Variants in DNAJB1 observed in about 807,000 individuals in gnomAD.
DNAJB1 encodes the protein DnaJ heat shock protein family (Hsp40) member B1, also known as dnaJ homolog subfamily B member 1.
DNAJB1 carries 14 observed loss-of-function variants against 24.0 expected under a neutral mutation model. That is an observed-to-expected ratio of 0.58 (90% CI 0.39 to 0.91). DNAJB1 has a LOEUF of 0.91. DNAJB1 is among the 40% of genes least tolerant of loss of function. The pLI is 0.00. For synonymous variants in DNAJB1, 262 were observed against 174.4 expected (o/e 1.50, Z -3.96); for missense variants, 517 against 458.1 (o/e 1.13, Z -1.17).
upstream of DNAJB1, among the ~76,000 whole-genome samples, chr19:14,553,611 A>T (rs2073614359): frequency 6.6e-6 from 1 of 152,032 alleles, no homozygotes; most frequent in Non-Finnish European, 1.5e-5. Context: ...GGTTGACTTG[A>T]TATTTCTGGA....
At chr19:14,537,179 A>G (rs898840880) in intron 1 of DNAJB1, among the ~76,000 whole-genome samples, 139 of 67,614 alleles carry the variant, frequency 2.1e-3, no homozygotes, top group African/African-American at 5.7e-3. Context: ...GCCGGGGGGG[A>G]AGGGGAGGCC....
At chr19:14,523,886 A>G (rs913524732) in intron 2 of DNAJB1, among the ~76,000 whole-genome samples, 7 of 152,184 alleles carry the variant, frequency 4.6e-5, no homozygotes, top group African/African-American at 1.7e-4. Flanking sequence ...GGCCTCCCCA[A>G]GTGTTGGGAT....
upstream of DNAJB1, among the ~76,000 whole-genome samples, chr19:14,519,161 A>C (rs914424803): frequency 6.6e-6 from 1 of 152,204 alleles, no homozygotes; most frequent in African/African-American, 2.4e-5. Context: ...TGAGGTCAGG[A>C]GTTCGAGACC....
upstream of DNAJB1, chr19:14,531,013 G>C (rs2072628792): frequency 6.6e-6 from 1 of 152,066 alleles, no homozygotes; most frequent in Non-Finnish European, 1.5e-5. Flanking sequence ...GACTACTCTA[G>C]GTACCTTGGA....
chr19:14,541,459 C>T (rs1044858226), intron 1 of DNAJB1, among the ~76,000 whole-genome samples: 3 of 152,248 alleles, frequency 2.0e-5, no homozygotes, highest in Non-Finnish European at 4.4e-5. Context: ...AGGCCTTTTC[C>T]CGTCATAGGA....
intron 1 of DNAJB1, among the ~76,000 whole-genome samples, chr19:14,542,354 T>TTTTTTTTC (rs2073129115): frequency 8.6e-6 from 1 of 116,324 alleles, no homozygotes; most frequent in African/African-American, 3.6e-5. Flanking sequence ...AGTGTTTTTT[T>TTTTTTTTC]TTTTTTTTTT....
chr19:14,517,205 A>T, intron 1 of DNAJB1, 159 bp from the exon 2 acceptor site: 1 of 655,726 alleles, frequency 1.5e-6, no homozygotes, highest in Non-Finnish European at 2.6e-6. Context: ...CTCACTGCCA[A>T]CAGCAGAGAC....
intron 1 of DNAJB1, among the ~76,000 whole-genome samples, chr19:14,558,381 C>G (rs1405457264): frequency 6.6e-6 from 1 of 152,186 alleles, no homozygotes; most frequent in African/African-American, 2.4e-5. Context: ...CCCCTCTGGG[C>G]TTGGGAGGCA....
intron 1 of DNAJB1, chr19:14,529,009 A>C (rs561151605): frequency 6.5e-6 from 1 of 153,636 alleles, no homozygotes; most frequent in Admixed American, 6.5e-5. Context: ...AAGCCACCCC[A>C]GAATGGGGCT....
At chr19:14,547,661 AT>A (rs71166755) in intron 1 of DNAJB1, among the ~76,000 whole-genome samples, 3,600 of 142,830 alleles carry the variant, frequency 0.025, 119 homozygotes, top group African/African-American at 0.083. Flanking sequence ...TGTACCTAAT[AT>A]TTTTTTTTTT....
At chr19:14,548,268 G>A (rs12460236) in intron 1 of DNAJB1, among the ~76,000 whole-genome samples, 28,963 of 151,924 alleles carry the variant, frequency 0.19, 3,357 homozygotes, top group South Asian at 0.42. Flanking sequence ...GGCCTAATGG[G>A]CATTTCAAAC....
At chr19:14,539,887 T>C (rs997549499) in intron 1 of DNAJB1, among the ~76,000 whole-genome samples, 2 of 151,350 alleles carry the variant, frequency 1.3e-5, no homozygotes, top group Non-Finnish European at 2.9e-5. Context: ...TTTCTTTTTT[T>C]TTTTTTTTCT....
At chr19:14,517,742 C>A in intron 1 of DNAJB1, 1 of 176,480 alleles carries the variant, frequency 5.7e-6, no homozygotes, top group Non-Finnish European at 1.2e-5. Flanking sequence ...CCTCGCCCCG[C>A]AGCTGAGCCG....
upstream of DNAJB1, among the ~76,000 whole-genome samples, chr19:14,534,553 A>T (rs570424029): frequency 6.9e-6 from 1 of 144,848 alleles, no homozygotes; most frequent in African/African-American, 2.6e-5. Flanking sequence ...TTCCTGCCTC[A>T]GCCTCCCAAG....
chr19:14,514,770 G>A lies in DNAJB1; in HGVS notation c.*1170C>T, dbSNP rs1014963177. ...AACAGAGTCACAGGACCGCTCCCCT[G>A]AGGTTTAGCATCAGTCTTTAATGCT... On this transcript the variant is annotated 3_prime_UTR_variant, in exon 3 of 3. Coordinates refer to ENST00000254322, the MANE Select transcript of DNAJB1 (RefSeq NM_006145.3). The A allele has an allele frequency of 6.6e-6, 1 of 152,508 alleles. No individual in the cohort carries two copies. Among genetic ancestry groups the A allele is most frequent in the African/African-American group, 2.4e-5 (1 of 41,296 alleles). The allele number at this position is 152,508 out of a possible 1,614,324, so 9.4% of individuals were successfully genotyped here. A position where few individuals can be genotyped will look rare whatever the true frequency, so the allele number is the denominator to read the frequency against.
rs73927060 is a variant in DNAJB1 at position 14,556,855 on chromosome 19, C to T, written c.-2165-2537G>A. ...GGGCAGTGGGGAGCGTCGCAGCCTC[C>T]GCCGCTTGCAGCCAGTCATCCCGGT... On this transcript the variant is annotated intron_variant, in intron 1 of 5. Transcript: ENST00000679223. Among the ~76,000 whole-genome samples the T allele has an allele frequency of 3.6e-3, 543 of 152,258 alleles. 6 individuals carry two copies. The highest frequency in any genetic ancestry group is 0.012 in the African/African-American group (499 of 41,536).
At position 14,516,896 on chromosome 19, in the gene DNAJB1, C is replaced by T. The variant is rs749246039; in HGVS notation, c.362G>A (p.Gly121Glu). 5.6e-6 allele frequency: 9 copies of T among 1,614,028 alleles called. No individual in the cohort carries two copies. The East Asian group carries it at 1.6e-4, about 28-fold the overall frequency. Residue 121 changes from glycine (G) to glutamate (E), a missense_variant, in exon 2 of 3, where the codon GGG becomes GAG. Coordinates refer to ENST00000254322, the MANE Select transcript of DNAJB1 (RefSeq NM_006145.3). ...PFDTFFGQRN[G>E]EEGMDIDDPF... is the part of the protein sequence containing the mutation. Reference sequence around the variant, plus strand: ...GTCATCAATGTCCATGCCTTCCTCCCCGTTCCGCTGCCCAAAAAAGGTGTC... The same window carrying T: ...GTCATCAATGTCCATGCCTTCCTCCTCGTTCCGCTGCCCAAAAAAGGTGTC...
At chr19:14,553,330 CAGCACAGGTAGAAGACAGG>C (rs2073604884), upstream of DNAJB1, among the ~76,000 whole-genome samples, 1 of 152,148 alleles carries the variant, frequency 6.6e-6, no homozygotes, top group Non-Finnish European at 1.5e-5. Flanking sequence ...CTCGTCTTGC[CAGCACAGGTAGAAGACAGG>C]AGCAGAGCGG....
upstream of DNAJB1, among the ~76,000 whole-genome samples, chr19:14,519,869 C>G (rs770716500): frequency 1.1e-4 from 16 of 152,122 alleles, no homozygotes; most frequent in Non-Finnish European, 1.9e-4. Context: ...GTGCCTCTGT[C>G]AAGGACAGAG....
Sources: gnomAD v4.1 joint callset for allele counts (sites outside exome capture counted in the v4.1 genomes callset) on GRCh38, gnomAD v4.1.1 for gene constraint, MANE v1.5 for transcripts, NCBI Gene and HGNC (gene_info 2026-07-23, HGNC 2026-07-21) for gene names.